Variants in URB1 observed in about 807,000 individuals in gnomAD.
URB1 encodes the protein nucleolar pre-ribosomal-associated protein 1.
URB1 carries 197 observed loss-of-function variants against 242.3 expected under a neutral mutation model. The ratio of observed to expected loss-of-function variants is 0.81; its 90% CI spans 0.72 to 0.91. The LOEUF (loss-of-function observed/expected upper bound fraction) is 0.91. Ranked by LOEUF, URB1 falls within the 40% of genes least tolerant of loss-of-function variation. The pLI, the probability that URB1 is intolerant of heterozygous loss-of-function variation, is 0.00. For missense variants in URB1, 2,721 were observed against 2,860.5 expected (o/e 0.95, Z 1.11); for synonymous variants, 1,153 against 1,201.8 (o/e 0.96, Z 0.84).
intron 10 of URB1, among the ~76,000 whole-genome samples, chr21:32,364,977 G>A (rs1212234505): frequency 6.6e-6 from 1 of 152,252 alleles, no homozygotes; most frequent in Admixed American, 6.5e-5. Flanking sequence ...GGGAGAGGAG[G>A]CTGTGTCCTC....
chr21:32,384,599 C>G, intron 2 of URB1, 135 bp from the exon 3 acceptor site: 1 of 1,197,288 alleles, frequency 8.4e-7, no homozygotes, highest in East Asian at 2.6e-5. Flanking sequence ...CCACCCAGAT[C>G]CTGAGTCAAA....
intron 17 of URB1, 62 bp from the exon 18 acceptor site, chr21:32,354,165 A>G: frequency 6.5e-7 from 1 of 1,528,782 alleles, no homozygotes; most frequent in East Asian, 2.5e-5. Flanking sequence ...CACTGCAAAT[A>G]CCCACAGGGA....
rs200786130 is a variant in URB1, at chr21:32,337,130, G to A, written c.4649C>T (p.Ala1550Val). The change falls in exon 28 of 39, where the codon GCG (alanine) becomes GTG (valine). Residue 1550 changes from alanine (A) to valine (V), a missense_variant. Transcript: ENST00000382751. ...LDQKILLLLR[A>V]YEQNKLSLIN... ...GAGGCTGAGCTTGTTCTGCTCATAC[G>A]CTCGAAGCAGAAGTAAAATCTTCTG... 5.9e-5 allele frequency: 91 copies of A among 1,551,826 alleles called. No homozygotes were observed. In the African/African-American group the frequency reaches 7.8e-4, roughly 13 times the overall value.
chr21:32,361,490 C>T (rs2033287231), intron 12 of URB1, among the ~76,000 whole-genome samples: 1 of 150,406 alleles, frequency 6.6e-6, no homozygotes, highest in African/African-American at 2.4e-5. Flanking sequence ...CCTACCCTTG[C>T]AGGGCTGCCG....
chr21:32,391,223 C>T (rs1227411570), intron 1 of URB1, among the ~76,000 whole-genome samples: 1 of 29,034 alleles, frequency 3.4e-5, no homozygotes. Flanking sequence ...GTTGTCGGGT[C>T]GGGGGGAGGG....
intron 22 of URB1, 70 bp from the exon 23 acceptor site, chr21:32,345,645 T>C (rs1304225164): frequency 1.4e-6 from 2 of 1,429,538 alleles, no homozygotes; most frequent in Admixed American, 2.4e-5. Flanking sequence ...GACCAGCTCC[T>C]AGGAACTGGT....
In URB1 at chr21:32,374,698, C is replaced by G. The variant is rs142458519; in HGVS notation, c.750+700G>C. ...GCCAGGTAATTGTTATGGGGGCCAT[C>G]CTGGGCATTACAGGATGTTCGGCAG... On this transcript the variant is annotated intron_variant, in intron 6 of 38. Coordinates refer to ENST00000382751, the MANE Select transcript of URB1 (RefSeq NM_014825.3). Among the ~76,000 whole-genome samples, 393 of 152,330 alleles carry G rather than the reference C, an allele frequency of 2.6e-3. 1 individual carries two copies. Among genetic ancestry groups the G allele is most frequent in the Non-Finnish European group, 3.9e-3 (266 of 68,028 alleles).
At chr21:32,369,508 AG>A (rs111778527) in intron 8 of URB1, among the ~76,000 whole-genome samples, 4,923 of 152,262 alleles carry the variant, frequency 0.032, 261 homozygotes, top group African/African-American at 0.11. Context: ...TCTGTCACCC[AG>A]AATGCAGTGG....
chr21:32,385,579 T>C lies in URB1; in HGVS notation c.248A>G (p.Gln83Arg). 1.3e-6 allele frequency: 2 copies of C among 1,552,126 alleles called. No homozygotes were observed. The highest frequency in any genetic ancestry group is 1.7e-6 in the Non-Finnish European group (2 of 1,147,074). Residue 83 changes from glutamine to arginine, a missense_variant, in exon 2 of 39, where the codon CAG becomes CGG. Gln to Arg is a conservative substitution (Grantham distance 43). Transcript: ENST00000382751. ...AGGTCGTTTCTCTCCACTTAGGAGC[T>C]GGAAAATTTCGACACACTCAACAGA... ...KISVECVEIFQLLSGEKRPES... is the reference protein window; with the variant it reads ...KISVECVEIFRLLSGEKRPES...
chr21:32,319,335 C>G lies in URB1; in HGVS notation c.5674G>C (p.Val1892Leu), dbSNP rs1314942700. ...CAAAGGCGCTGGCTCTCCCACTCCACTGCCTTGTCCCCCAGGTTGGTCACC... is the reference window on the plus strand; with the variant it reads ...CAAAGGCGCTGGCTCTCCCACTCCAGTGCCTTGTCCCCCAGGTTGGTCACC... ...LWVTNLGDKA[V>L]EWESQRLCQP... Residue 1892 changes from valine to leucine, a missense_variant, in exon 36 of 39, where the codon GTG becomes CTG. Transcript: ENST00000382751. The G allele has an allele frequency of 6.4e-7, 1 of 1,551,324 alleles. No individual in the cohort carries two copies. The highest frequency in any genetic ancestry group is 8.7e-7 in the Non-Finnish European group (1 of 1,146,812).
At position 32,324,545 on chromosome 21, in the gene URB1, T is replaced by C; in HGVS notation, c.5179A>G (p.Thr1727Ala). 2.6e-6 allele frequency: 4 copies of C among 1,551,890 alleles called. No individual in the cohort carries two copies. Among genetic ancestry groups the C allele is most frequent in the Non-Finnish European group, 3.5e-6 (4 of 1,147,028 alleles). ...GCAATGAAGAGAGCCAAGGTAAAAGTAAGTCTCATGTCCTGAGTTCGAATC... is the reference window on the plus strand; with the variant it reads ...GCAATGAAGAGAGCCAAGGTAAAAGCAAGTCTCATGTCCTGAGTTCGAATC... ...NGIRTQDMRL[T>A]FTLALFIAKA... The change falls in exon 32 of 39, where the codon ACT becomes GCT. Residue 1727 changes from threonine (T) to alanine (A), a missense_variant. Physicochemically the swap from Thr to Ala is moderately conservative, Grantham distance 58 (BLOSUM62 0). Transcript: ENST00000382751.
At chr21:32,343,881 T>TAA (rs78964136) in intron 24 of URB1, among the ~76,000 whole-genome samples, 25 of 144,588 alleles carry the variant, frequency 1.7e-4, no homozygotes, top group South Asian at 4.3e-4. Context: ...TTAAACCATG[T>TAA]AAAAAAAAAA....
intron 7 of URB1, 56 bp downstream of exon 7, chr21:32,373,591 A>T: frequency 6.6e-7 from 1 of 1,506,854 alleles, no homozygotes; most frequent in Non-Finnish European, 8.9e-7. Context: ...CCCTCTCCCA[A>T]CCCTGAGGAT....
At chr21:32,329,937 G>A (rs1451656182) in intron 30 of URB1, among the ~76,000 whole-genome samples, 3 of 152,174 alleles carry the variant, frequency 2.0e-5, no homozygotes, top group East Asian at 1.9e-4. Flanking sequence ...AATACAGGAT[G>A]CTGGCCCCTT....
intron 12 of URB1, 57 bp from the exon 13 acceptor site, chr21:32,361,180 A>AAAGAAAGAAAGAAAGG (rs2033282403): frequency 1.2e-6 from 1 of 805,442 alleles, no homozygotes; most frequent in African/African-American, 1.7e-5. Context: ...AGAAAGAAAG[A>AAAGAAAGAAAGAAAGG]AAGAAAGAAA....
At chr21:32,333,656 T>A (rs574226965) in intron 29 of URB1, among the ~76,000 whole-genome samples, 1 of 152,304 alleles carries the variant, frequency 6.6e-6, no homozygotes, top group East Asian at 1.9e-4. Flanking sequence ...TTAAGATAAT[T>A]TTGTGCATGA....
Position 32,368,423 on chromosome 21 carries a change from T to A in URB1, c.1177A>T (p.Asn393Tyr). The A allele has an allele frequency of 1.9e-6, 3 of 1,546,092 alleles. No individual in the cohort carries two copies. The highest frequency in any genetic ancestry group is 2.6e-6 in the Non-Finnish European group (3 of 1,145,124). The change falls in exon 9 of 39, where the codon AAT (asparagine) becomes TAT (tyrosine). Residue 393 changes from asparagine to tyrosine, a missense_variant. By Grantham distance (143) the Asn-to-Tyr change is moderately radical. Transcript: ENST00000382751. ...IPRAKSTWLN[N>Y]IKLLNKIYEA... ...TTTACCTTGTTTAGTAGTTTGATAT[T>A]ATTTAACCAAGTAGACTTCGCTCGT...
rs1176889600 is a variant in URB1, at chr21:32,314,648, G to A, written c.*270C>T. On this transcript the variant is annotated 3_prime_UTR_variant, in exon 39 of 39. Coordinates refer to ENST00000382751, the MANE Select transcript of URB1 (RefSeq NM_014825.3). ...CCAAGCCCCTAGAGAGGAAGGGGCG[G>A]CCTGACGAGGCACTGGATGGGCCTC... 1.2e-6 allele frequency: 2 copies of A among 1,614,006 alleles called. No homozygotes were observed. The highest frequency in any genetic ancestry group is 1.7e-6 in the Non-Finnish European group (2 of 1,179,846).
intron 15 of URB1, 113 bp downstream of exon 15, chr21:32,357,424 C>A (rs1467999527): frequency 2.8e-5 from 30 of 1,079,112 alleles, no homozygotes; most frequent in Admixed American, 9.5e-5. Flanking sequence ...TATTTTAAAA[C>A]TAAAAACAAT....
Sources: gnomAD v4.1 joint callset for allele counts (sites outside exome capture counted in the v4.1 genomes callset) on GRCh38, gnomAD v4.1.1 for gene constraint, MANE v1.5 for transcripts, NCBI Gene and HGNC (gene_info 2026-07-23, HGNC 2026-07-21) for gene names.